COLGALT2: variants seen among roughly 807,000 people sequenced by gnomAD.
COLGALT2 encodes collagen beta(1-O)galactosyltransferase 2.
Under a neutral mutation model 73.4 loss-of-function variants are expected in COLGALT2, and 49 were observed. The observed-to-expected ratio is 0.67, with a 90% CI of 0.53 to 0.85. The LOEUF (loss-of-function observed/expected upper bound fraction) is 0.85, where lower values mean the gene tolerates loss of function less well. Ranked by LOEUF, COLGALT2 falls within the 40% of genes least tolerant of loss-of-function variation. The pLI is 0.00. For missense variants in COLGALT2, 722 were observed against 790.2 expected, an observed-to-expected ratio of 0.91 and a Z score of 1.03; for synonymous variants, 295 against 307.6, an observed-to-expected ratio of 0.96 and a Z score of 0.43.
chr1:183,946,513 A>G (rs190818460), intron 8 of COLGALT2: 2 of 152,310 alleles, frequency 1.3e-5, no homozygotes, highest in East Asian at 3.9e-4. Flanking sequence ...ATGAAGGAAG[A>G]ATTTGGCATA....
At chr1:183,939,971 C>T (rs1302508243) in intron 11 of COLGALT2, among the ~76,000 whole-genome samples, 3 of 152,172 alleles carry the variant, frequency 2.0e-5, no homozygotes, top group Non-Finnish European at 4.4e-5. Flanking sequence ...TCATTAATTG[C>T]CACACCTTTT....
chr1:183,997,323 T>C (rs1572665750), intron 1 of COLGALT2, among the ~76,000 whole-genome samples: 2 of 152,230 alleles, frequency 1.3e-5, no homozygotes, highest in East Asian at 3.8e-4. Context: ...GAATGATAAA[T>C]GAACCCTTGT....
intron 2 of COLGALT2, among the ~76,000 whole-genome samples, chr1:183,976,103 C>CTGG (rs1671182371): frequency 6.6e-6 from 1 of 152,052 alleles, no homozygotes; most frequent in Non-Finnish European, 1.5e-5. Flanking sequence ...CCCAAAAATG[C>CTGG]CTGTTCTAAT....
Position 183,938,919 on chromosome 1 carries a change from A to T in COLGALT2, c.1723T>A (p.Ser575Thr). The T allele has an allele frequency of 6.2e-7, 1 of 1,614,076 alleles. No individual in the cohort carries two copies. Residue 575 changes from serine (S) to threonine (T), a missense_variant, in exon 12 of 12, where the codon TCC becomes ACC. Coordinates refer to ENST00000361927, the MANE Select transcript of COLGALT2 (RefSeq NM_015101.4). ...QPGYLSDTETSTIWDNETVAT... is the reference protein window; with the variant it reads ...QPGYLSDTETTTIWDNETVAT... ...ACTGTCTCATTGTCCCAGATGGTGG[A>T]GGTCTCCGTGTCACTCAGGTACCCC...
Position 183,936,103 on chromosome 1 carries a change from A to C in COLGALT2, c.*2658T>G, listed in dbSNP as rs924900566. On this transcript the variant is annotated 3_prime_UTR_variant, in exon 12 of 12. Transcript: ENST00000361927. Reference sequence around the variant, plus strand: ...TTGTCTGTCCAGAAGATCCCACGTTAGATCCCAAGAGAAATCCAGACAGGG... The same window carrying C: ...TTGTCTGTCCAGAAGATCCCACGTTCGATCCCAAGAGAAATCCAGACAGGG... 18 of 985,660 alleles carry C rather than the reference A, an allele frequency of 1.8e-5. No individual in the cohort carries two copies. In the African/African-American group the frequency reaches 3.1e-4, roughly 17 times the overall value. 61.1% of individuals were successfully genotyped at this position (985,660 alleles called of 1,614,324 possible). A position where few individuals can be genotyped will look rare whatever the true frequency, so the allele number is the denominator to read the frequency against.
intron 1 of COLGALT2, among the ~76,000 whole-genome samples, chr1:184,031,817 A>ATCCTTCCTTCCTTCTTTCCTTCCTTCCT (rs1649519166): frequency 1.4e-5 from 2 of 139,190 alleles, no homozygotes; most frequent in Non-Finnish European, 1.6e-5. Context: ...CCATGAATGT[A>ATCCTTCCTTCCTTCTTTCCTTCCTTCCT]TCCTTCCTTC....
intron 9 of COLGALT2, 34 bp downstream of exon 9, chr1:183,945,398 C>G: frequency 6.2e-7 from 1 of 1,608,660 alleles, no homozygotes; most frequent in South Asian, 1.1e-5. Context: ...TTCTCCTCAT[C>G]ATAAAACTGC....
chr1:183,975,068 T>C (rs1671150442), intron 3 of COLGALT2, 29 bp downstream of exon 3: 2 of 1,479,602 alleles, frequency 1.4e-6, no homozygotes, highest in Non-Finnish European at 1.9e-6. Context: ...GAGATGACAG[T>C]TGTCAAGAAA....
Position 183,936,109 on chromosome 1 carries a change from C to T in COLGALT2, c.*2652G>A, listed in dbSNP as rs191297614. 2 of 985,650 alleles carry T rather than the reference C, an allele frequency of 2.0e-6. No individual in the cohort carries two copies. Among genetic ancestry groups the T allele is most frequent in the African/African-American group, 3.5e-5 (2 of 57,360 alleles). The allele number at this position is 985,650 out of a possible 1,614,324, so 61.1% of individuals were successfully genotyped here. ...GTCCAGAAGATCCCACGTTAGATCC[C>T]AAGAGAAATCCAGACAGGGTTTAGC... On this transcript the variant is annotated 3_prime_UTR_variant, in exon 12 of 12. Coordinates refer to ENST00000361927, the MANE Select transcript of COLGALT2 (RefSeq NM_015101.4).
At chr1:183,982,401 C>T (rs1026613478) in intron 1 of COLGALT2, among the ~76,000 whole-genome samples, 6 of 151,828 alleles carry the variant, frequency 4.0e-5, no homozygotes, top group East Asian at 3.8e-4. Flanking sequence ...AAGCTACCAA[C>T]GTCCAGGGTA....
chr1:183,954,366 G>C (rs1475417168), intron 7 of COLGALT2, among the ~76,000 whole-genome samples: 1 of 152,056 alleles, frequency 6.6e-6, no homozygotes, highest in Non-Finnish European at 1.5e-5. Flanking sequence ...GAAAGTTCCA[G>C]AATAGTTTCC....
chr1:183,953,204 A>T lies in COLGALT2; in HGVS notation c.1029+1558T>A, dbSNP rs535288172. Among the ~76,000 whole-genome samples, 4 of 152,342 alleles carry T rather than the reference A, an allele frequency of 2.6e-5. No homozygotes were observed. The South Asian group carries it at 8.3e-4, about 32-fold the overall frequency. On this transcript the variant is annotated intron_variant, in intron 7 of 11. Coordinates refer to ENST00000361927, the MANE Select transcript of COLGALT2 (RefSeq NM_015101.4). ...ACAGAGAAAAGAGCATCAGAGCCAA[A>T]TGCAGCCCAGACACCACCAGTGAGG... is the stretch of plus-strand genomic sequence containing the variant.
At position 183,944,267 on chromosome 1, in the gene COLGALT2, C is replaced by T; in HGVS notation, c.1326G>A (p.Glu442=). The part of the protein sequence containing the change: ...TLVIEDDVRF[E]HQFKKKLMKL... ...TCATCAGCTTCTTCTTAAACTGATG[C>T]TCAAAACGCACATCGTCTTCAATTA... Residue 442 remains glutamate (E), a synonymous_variant, in exon 10 of 12, where the codon GAG becomes GAA. Transcript: ENST00000361927. 6.2e-7 allele frequency: 1 copy of T among 1,614,046 alleles called. No homozygotes were observed. Among genetic ancestry groups the T allele is most frequent in the Non-Finnish European group, 8.5e-7 (1 of 1,179,970 alleles).
chr1:183,982,984 T>C (rs553918860), intron 1 of COLGALT2, among the ~76,000 whole-genome samples: 1 of 152,354 alleles, frequency 6.6e-6, no homozygotes, highest in South Asian at 2.1e-4. Flanking sequence ...ATTAAACAAC[T>C]CCAAAACCTG....
In COLGALT2 at chr1:183,937,216, C is replaced by T. The variant is rs985000075; in HGVS notation, c.*1545G>A. 6 of 1,211,804 alleles carry T rather than the reference C, an allele frequency of 5.0e-6. No individual in the cohort carries two copies. Among genetic ancestry groups the T allele is most frequent in the African/African-American group, 1.6e-5 (1 of 63,996 alleles). The allele number at this position is 1,211,804 out of a possible 1,614,324, so 75.1% of individuals were successfully genotyped here. On this transcript the variant is annotated 3_prime_UTR_variant, in exon 12 of 12. Transcript: ENST00000361927. Reference sequence around the variant, plus strand: ...AGCTCAGGGTTTGGGGTGTGCACGGCCCCCCATATGGCTGCATGGTGCATG... The same window carrying T: ...AGCTCAGGGTTTGGGGTGTGCACGGTCCCCCATATGGCTGCATGGTGCATG...
intron 5 of COLGALT2, among the ~76,000 whole-genome samples, chr1:183,966,036 A>C (rs1558317579): frequency 6.6e-6 from 1 of 152,238 alleles, no homozygotes; most frequent in Non-Finnish European, 1.5e-5. Context: ...GTAGCAATGC[A>C]TGCATATTAT....
intron 3 of COLGALT2, 127 bp from the exon 4 acceptor site, chr1:183,973,877 T>C: frequency 1.1e-5 from 9 of 833,624 alleles, no homozygotes; most frequent in Non-Finnish European, 1.1e-5. Flanking sequence ...ATCTATGTCC[T>C]CCTTATTGAA....
chr1:183,945,662 C>A (rs181650370), intron 8 of COLGALT2, 98 bp from the exon 9 acceptor site: 59 of 1,394,574 alleles, frequency 4.2e-5, no homozygotes, highest in African/African-American at 1.1e-4. Context: ...ACCCCTCCCC[C>A]ACACAGACAA....
At chr1:184,028,004 G>A (rs541978885) in intron 1 of COLGALT2, among the ~76,000 whole-genome samples, 11 of 152,320 alleles carry the variant, frequency 7.2e-5, no homozygotes, top group African/African-American at 2.6e-4. Flanking sequence ...TAAGCTTACT[G>A]TTCAATGGTG....
Sources: gnomAD v4.1 joint callset for allele counts (sites outside exome capture counted in the v4.1 genomes callset) on GRCh38, gnomAD v4.1.1 for gene constraint, MANE v1.5 for transcripts, NCBI Gene and HGNC (gene_info 2026-07-23, HGNC 2026-07-21) for gene names.